Variants in GTPBP10 observed in about 807,000 individuals in gnomAD.
GTPBP10 encodes the protein GTP binding protein 10, also known as GTP-binding protein 10.
A neutral mutation model predicts 44.8 loss-of-function variants in GTPBP10; 38 were observed. The observed-to-expected ratio is 0.85, with a 90% confidence interval of 0.65 to 1.11. GTPBP10 has a LOEUF of 1.11. Among genes scored for constraint, GTPBP10 ranks in the 50% most tolerant of loss-of-function variants. GTPBP10 has a pLI of 0.00. For missense variants in GTPBP10, 462 were observed against 453.7 expected (o/e 1.02, Z -0.17); for synonymous variants, 152 against 150.6 (o/e 1.01, Z -0.07).
intron 4 of GTPBP10, among the ~76,000 whole-genome samples, chr7:90,358,062 A>G (rs1195765430): frequency 2.6e-5 from 4 of 152,168 alleles, no homozygotes; most frequent in Non-Finnish European, 5.9e-5. Context: ...AGACTCCTAG[A>G]TTTGATAAAT....
At position 90,391,190 on chromosome 7, in the gene GTPBP10, A is replaced by G. The variant is rs1215204095; in HGVS notation, c.*6036A>G. The G allele has an allele frequency of 1.3e-5, 2 of 151,520 alleles. No homozygotes were observed. The highest frequency in any genetic ancestry group is 2.9e-5 in the Non-Finnish European group (2 of 67,898). 9.4% of individuals were successfully genotyped at this position (151,520 alleles called of 1,614,324 possible). On this transcript the variant is annotated 3_prime_UTR_variant, in exon 10 of 10. Coordinates refer to ENST00000222511, the MANE Select transcript of GTPBP10 (RefSeq NM_033107.4). ...TTCCTATAAAAATATGAAGCAGAAA[A>G]CTCCCCCATGATTTCCTCATGTTGC...
intron 3 of GTPBP10, 35 bp downstream of exon 3, chr7:90,354,584 G>C (rs778300581): frequency 9.0e-7 from 1 of 1,108,486 alleles, no homozygotes; most frequent in Non-Finnish European, 1.3e-6. Flanking sequence ...TTGTAAAAAT[G>C]TGCACGTTTT....
At position 90,385,928 on chromosome 7, in the gene GTPBP10, A is replaced by G. The variant is rs1398441792; in HGVS notation, c.*774A>G. 6.6e-6 allele frequency: 1 copy of G among 152,146 alleles called. No individual in the cohort carries two copies. Among genetic ancestry groups the G allele is most frequent in the Non-Finnish European group, 1.5e-5 (1 of 68,052 alleles). The allele number at this position is 152,146 out of a possible 1,614,324, so 9.4% of individuals were successfully genotyped here. On this transcript the variant is annotated 3_prime_UTR_variant, in exon 10 of 10. Coordinates refer to ENST00000222511, the MANE Select transcript of GTPBP10 (RefSeq NM_033107.4). Reference sequence around the variant, plus strand: ...AAAAATTAGCCAGGCATAGTGGCGCATGCCTGTTGTAGCCCCAGCTACTCA... The same window carrying G: ...AAAAATTAGCCAGGCATAGTGGCGCGTGCCTGTTGTAGCCCCAGCTACTCA...
chr7:90,349,017 A>G (rs889619697), intron 1 of GTPBP10, among the ~76,000 whole-genome samples: 5 of 152,144 alleles, frequency 3.3e-5, no homozygotes, highest in African/African-American at 1.2e-4. Context: ...CAAGATCCAT[A>G]TCTTGAAGTC....
chr7:90,385,308 C>G lies in GTPBP10; in HGVS notation c.*154C>G. 1.7e-6 allele frequency: 1 copy of G among 574,102 alleles called. No individual in the cohort carries two copies. The highest frequency in any genetic ancestry group is 3.0e-6 in the Non-Finnish European group (1 of 336,490). 35.6% of individuals were successfully genotyped at this position (574,102 alleles called of 1,614,324 possible). A position where few individuals can be genotyped will look rare whatever the true frequency, so the allele number is the denominator to read the frequency against. Reference sequence around the variant, plus strand: ...TCTCACTGTGGAATCTTAAGTTGAACTCATAGAAGGAGAGAATAGAATGGT... The same window carrying G: ...TCTCACTGTGGAATCTTAAGTTGAAGTCATAGAAGGAGAGAATAGAATGGT... On this transcript the variant is annotated 3_prime_UTR_variant, in exon 10 of 10. Transcript: ENST00000222511.
rs1796569081 is a variant in GTPBP10, at chr7:90,388,824, C to T, written c.*3670C>T. The stretch of plus-strand genomic sequence containing the variant: ...TCTTGCCGAAAAATGTACATAAACA[C>T]ATAAACTATTTTCCAAGCAGTTTCA... On this transcript the variant is annotated 3_prime_UTR_variant, in exon 10 of 10. Coordinates refer to ENST00000222511, the MANE Select transcript of GTPBP10 (RefSeq NM_033107.4). 1 of 152,134 alleles carries T rather than the reference C, an allele frequency of 6.6e-6. No homozygotes were observed. The highest frequency in any genetic ancestry group is 6.5e-5 in the Admixed American group (1 of 15,274). 9.4% of individuals were successfully genotyped at this position (152,134 alleles called of 1,614,324 possible). A position where few individuals can be genotyped will look rare whatever the true frequency, so the allele number is the denominator to read the frequency against.
In GTPBP10 at chr7:90,383,060, C is replaced by G; in HGVS notation, c.882C>G (p.Ser294Arg). The change falls in exon 9 of 10, where the codon AGC becomes AGG. Residue 294 changes from serine (S) to arginine (R), a missense_variant. Ser to Arg is a moderately radical substitution (Grantham distance 110, BLOSUM62 -1). Transcript: ENST00000222511. ...AAGATAAGTTCCATGAATTGATGAGCCAGCTCCAGAATCCTAAAGGTAAAC... is the reference window on the plus strand; with the variant it reads ...AAGATAAGTTCCATGAATTGATGAGGCAGCTCCAGAATCCTAAAGGTAAAC... ...DAQDKFHELMSQLQNPKDFLH... is the reference protein window; with the variant it reads ...DAQDKFHELMRQLQNPKDFLH... The G allele has an allele frequency of 6.3e-7, 1 of 1,577,314 alleles. No homozygotes were observed. Among genetic ancestry groups the G allele is most frequent in the Non-Finnish European group, 8.6e-7 (1 of 1,157,808 alleles).
intron 4 of GTPBP10, among the ~76,000 whole-genome samples, chr7:90,358,031 A>G (rs1397454344): frequency 6.6e-6 from 1 of 152,076 alleles, no homozygotes. Context: ...ATACCTTGAA[A>G]ACCCTAGAGA....
At chr7:90,380,552 C>T (rs1796419453) in intron 8 of GTPBP10, among the ~76,000 whole-genome samples, 1 of 151,996 alleles carries the variant, frequency 6.6e-6, no homozygotes, top group African/African-American at 2.4e-5. Flanking sequence ...ATTGTGTGTA[C>T]TTAAAGTGTA....
rs755093204 is a variant in GTPBP10, at chr7:90,372,186, A to T, written c.496A>T (p.Ser166Cys). 6.2e-7 allele frequency: 1 copy of T among 1,607,014 alleles called. No individual in the cohort carries two copies. The highest frequency in any genetic ancestry group is 1.3e-5 in the African/African-American group (1 of 74,842). ...AAATGCTGGAAAATCCTCTTTGCTA[A>T]GTTGTGTTTCTCATGCAAAACCTGC... ...FPNAGKSSLLSCVSHAKPAIA... is the reference protein window; with the variant it reads ...FPNAGKSSLLCCVSHAKPAIA... The change falls in exon 5 of 10, where the codon AGT becomes TGT. Residue 166 changes from serine to cysteine, a missense_variant. Transcript: ENST00000222511.
rs562253139 is a variant in GTPBP10 at position 90,386,817 on chromosome 7, G to T, written c.*1663G>T. On this transcript the variant is annotated 3_prime_UTR_variant, in exon 10 of 10. Transcript: ENST00000222511. The stretch of plus-strand genomic sequence containing the variant: ...CTTTAAATGAGTTTTATTATAAAAT[G>T]TACATATTGATTGTAAAAACAAAAA... 1 of 152,190 alleles carries T rather than the reference G, an allele frequency of 6.6e-6. No individual in the cohort carries two copies. The highest frequency in any genetic ancestry group is 1.5e-5 in the Non-Finnish European group (1 of 68,004). 9.4% of individuals were successfully genotyped at this position (152,190 alleles called of 1,614,324 possible).
chr7:90,376,328 G>C (rs1796345111), intron 6 of GTPBP10, among the ~76,000 whole-genome samples: 1 of 152,008 alleles, frequency 6.6e-6, no homozygotes. Flanking sequence ...TTATTATGTT[G>C]GTACAAAAGT....
chr7:90,355,736 A>G (rs1386259048), intron 4 of GTPBP10, among the ~76,000 whole-genome samples: 1 of 152,148 alleles, frequency 6.6e-6, no homozygotes, highest in Non-Finnish European at 1.5e-5. Flanking sequence ...GAATCCTGCT[A>G]TGACTGTATA....
intron 8 of GTPBP10, among the ~76,000 whole-genome samples, chr7:90,381,182 A>G (rs551663599): frequency 2.2e-4 from 34 of 152,116 alleles, no homozygotes; most frequent in Non-Finnish European, 4.3e-4. Context: ...TGGTAGTTCT[A>G]TTTTTAATTT....
Position 90,385,790 on chromosome 7 carries a change from C to A in GTPBP10, c.*636C>A, listed in dbSNP as rs549279063. Reference sequence around the variant, plus strand: ...TAACCAGTGGCCAGGCATGGTGGCTCATGCCTGTAATCCCAGCACTTTTCG... The same window carrying A: ...TAACCAGTGGCCAGGCATGGTGGCTAATGCCTGTAATCCCAGCACTTTTCG... On this transcript the variant is annotated 3_prime_UTR_variant, in exon 10 of 10. Transcript: ENST00000222511. 6.6e-6 allele frequency: 1 copy of A among 152,216 alleles called. No homozygotes were observed. Among genetic ancestry groups the A allele is most frequent in the South Asian group, 2.1e-4 (1 of 4,832 alleles). The allele number at this position is 152,216 out of a possible 1,614,324, so 9.4% of individuals were successfully genotyped here.
chr7:90,372,867 A>T (rs1373429834), intron 5 of GTPBP10, among the ~76,000 whole-genome samples: 1 of 152,184 alleles, frequency 6.6e-6, no homozygotes, highest in Non-Finnish European at 1.5e-5. Context: ...AAACAGAAAC[A>T]GCTCCTGTTT....
At chr7:90,355,581 T>G (rs1795881503) in intron 4 of GTPBP10, among the ~76,000 whole-genome samples, 1 of 152,114 alleles carries the variant, frequency 6.6e-6, no homozygotes, top group African/African-American at 2.4e-5. Context: ...TTATTAAAAA[T>G]ATATAGAAGG....
At chr7:90,383,301 A>G (rs1304595300) in intron 9 of GTPBP10, among the ~76,000 whole-genome samples, 1 of 152,344 alleles carries the variant, frequency 6.6e-6, no homozygotes, top group East Asian at 1.9e-4. Flanking sequence ...GATTAATTTG[A>G]ACTAAAAAGG....
chr7:90,377,822 C>T (rs2058356621), intron 7 of GTPBP10: 1 of 231,852 alleles, frequency 4.3e-6, no homozygotes, highest in African/African-American at 2.3e-5. Context: ...AGATTTCCAG[C>T]ATACTACCAT....
Sources: gnomAD v4.1 joint callset for allele counts (sites outside exome capture counted in the v4.1 genomes callset) on GRCh38, gnomAD v4.1.1 for gene constraint, MANE v1.5 for transcripts, NCBI Gene and HGNC (gene_info 2026-07-23, HGNC 2026-07-21) for gene names.